Variants in CEP20 observed in about 807,000 individuals in gnomAD.
The protein encoded by CEP20 is FGFR1OP N-terminal like.
A neutral mutation model predicts 20.0 loss-of-function variants in CEP20; 18 were observed. The observed-to-expected ratio is 0.90, with a 90% confidence interval of 0.62 to 1.34. CEP20 has a LOEUF of 1.34. Among genes scored for constraint, CEP20 ranks in the 40% most tolerant of loss-of-function variants. The pLI, the probability that CEP20 is intolerant of heterozygous loss-of-function variation, is 0.00. For synonymous variants in CEP20, 77 were observed against 73.7 expected (o/e 1.04, Z -0.23); for missense variants, 215 against 201.6 (o/e 1.07, Z -0.40).
At position 15,866,466 on chromosome 16, in the gene CEP20, G is replaced by C. The variant is rs2044681926; in HGVS notation, c.*974C>G. The C allele has an allele frequency of 6.6e-6, 1 of 152,202 alleles. No individual in the cohort carries two copies. Among genetic ancestry groups the C allele is most frequent in the African/African-American group, 2.4e-5 (1 of 41,466 alleles). The allele number at this position is 152,202 out of a possible 1,614,324, so 9.4% of individuals were successfully genotyped here. A position where few individuals can be genotyped will look rare whatever the true frequency, so the allele number is the denominator to read the frequency against. Reference sequence around the variant, plus strand: ...TTGTTTTCAATGAAATGAGCCTGTGGACACTACATTAAAAATACTTCTTTA... The same window carrying C: ...TTGTTTTCAATGAAATGAGCCTGTGCACACTACATTAAAAATACTTCTTTA... On this transcript the variant is annotated 3_prime_UTR_variant, in exon 5 of 5. Transcript: ENST00000255759.
chr16:15,870,708 G>C (rs2044793296), intron 4 of CEP20, among the ~76,000 whole-genome samples: 1 of 152,002 alleles, frequency 6.6e-6, no homozygotes, highest in Non-Finnish European at 1.5e-5. Context: ...CCGGCTACTT[G>C]GGATGCTGAT....
rs959860473 is a variant in CEP20, at chr16:15,884,490, T to A, written c.29-285A>T. On this transcript the variant is annotated intron_variant, in intron 1 of 4. Coordinates refer to ENST00000255759, the MANE Select transcript of CEP20 (RefSeq NM_144600.4). The stretch of plus-strand genomic sequence containing the variant: ...GTCAGGGGCTGTAGTCTAATACATA[T>A]TCTTTTTTATTTTATTTATTATTTT... Among the ~76,000 whole-genome samples the A allele has an allele frequency of 2.0e-5, 3 of 149,078 alleles. No individual in the cohort carries two copies. In the Admixed American group the frequency reaches 2.0e-4, roughly 10 times the overall value.
Position 15,879,762 on chromosome 16 carries a change from C to T in CEP20, c.311+42G>A, listed in dbSNP as rs769725073. ...TAAAACCACCATGGTGCAATTATGA[C>T]TCAATACAATATGTGGAAACTTCTT... On this transcript the variant is annotated intron_variant, in intron 3 of 4. Coordinates refer to ENST00000255759, the MANE Select transcript of CEP20 (RefSeq NM_144600.4). 4 of 1,136,164 alleles carry T rather than the reference C, an allele frequency of 3.5e-6. No homozygotes were observed. In the Admixed American group the frequency reaches 9.0e-5, roughly 26 times the overall value. The allele number at this position is 1,136,164 out of a possible 1,614,324, so 70.4% of individuals were successfully genotyped here.
intron 1 of CEP20, chr16:15,885,782 G>GT (rs2045229226): frequency 6.6e-6 from 1 of 152,220 alleles, no homozygotes; most frequent in Non-Finnish European, 1.5e-5. Flanking sequence ...CCACGTGACT[G>GT]TATCAATGCC....
chr16:15,873,586 G>C lies in CEP20; in HGVS notation c.353C>G (p.Thr118Ser). ...AAATGCATTCTGGATGCCATCCTTA[G>C]TTCCACGCAAGAAATGGGCTAAAAT... ...YGILAHFLRG[T>S]KDGIQNAFLK... is the part of the protein sequence containing the mutation. Residue 118 changes from threonine (T) to serine (S), a missense_variant, in exon 4 of 5, where the codon ACT becomes AGT. Coordinates refer to ENST00000255759, the MANE Select transcript of CEP20 (RefSeq NM_144600.4). 6.2e-7 allele frequency: 1 copy of C among 1,614,040 alleles called. No homozygotes were observed. Among genetic ancestry groups the C allele is most frequent in the Non-Finnish European group, 8.5e-7 (1 of 1,179,964 alleles).
chr16:15,873,608 A>C lies in CEP20; in HGVS notation c.331T>G (p.Leu111Val). 6.2e-7 allele frequency: 1 copy of C among 1,613,978 alleles called. No homozygotes were observed. The highest frequency in any genetic ancestry group is 8.5e-7 in the Non-Finnish European group (1 of 1,179,912). ...TTAGTTCCACGCAAGAAATGGGCTAAAATCCCATATAAAAGAGGTCTATAG... is the reference window on the plus strand; with the variant it reads ...TTAGTTCCACGCAAGAAATGGGCTACAATCCCATATAAAAGAGGTCTATAG... ...DNTIPLLYGI[L>V]AHFLRGTKDG... Residue 111 changes from leucine to valine, a missense_variant, in exon 4 of 5, where the codon TTA becomes GTA. By Grantham distance (32) the Leu-to-Val change is conservative. Transcript: ENST00000255759.
At chr16:15,873,231 T>C (rs7198354) in intron 4 of CEP20, among the ~76,000 whole-genome samples, 10,436 of 152,134 alleles carry the variant, frequency 0.069, 475 homozygotes, top group East Asian at 0.22. Flanking sequence ...GCATGAGCCA[T>C]TGTGCCTAGC....
chr16:15,871,140 C>A (rs950066342), intron 4 of CEP20, among the ~76,000 whole-genome samples: 33 of 151,992 alleles, frequency 2.2e-4, no homozygotes, highest in African/African-American at 7.2e-4. Context: ...CACATGCCTG[C>A]AGCCCCAGCT....
intron 3 of CEP20, among the ~76,000 whole-genome samples, chr16:15,876,173 T>A (rs989300614): frequency 7.6e-6 from 1 of 131,442 alleles, no homozygotes; most frequent in East Asian, 3.2e-4. Context: ...ATATTACTTT[T>A]TTTTTTTTTT....
intron 3 of CEP20, among the ~76,000 whole-genome samples, chr16:15,878,637 C>T (rs2045014423): frequency 6.6e-6 from 1 of 151,966 alleles, no homozygotes; most frequent in South Asian, 2.1e-4. Context: ...GCTGGGACTA[C>T]AGGCACACGC....
chr16:15,888,494 C>A, intron 1 of CEP20, 64 bp downstream of exon 1: 1 of 1,609,664 alleles, frequency 6.2e-7, no homozygotes, highest in South Asian at 1.1e-5. Flanking sequence ...TCCTCCCATC[C>A]CATCCTTTCC....
intron 4 of CEP20, among the ~76,000 whole-genome samples, chr16:15,869,495 G>C (rs2044762656): frequency 6.6e-6 from 1 of 151,988 alleles, no homozygotes; most frequent in Non-Finnish European, 1.5e-5. Flanking sequence ...ATTTTCAGTA[G>C]AGACAGGGTT....
intron 4 of CEP20, among the ~76,000 whole-genome samples, chr16:15,867,846 G>GC (rs1012881317): frequency 2.0e-5 from 3 of 151,416 alleles, no homozygotes; most frequent in Admixed American, 1.3e-4. Flanking sequence ...GGTGGCAGGC[G>GC]CCTGTAATCC....
At chr16:15,873,332 A>G (rs370328927) in intron 4 of CEP20, among the ~76,000 whole-genome samples, 159 bp downstream of exon 4, 1 of 152,162 alleles carries the variant, frequency 6.6e-6, no homozygotes, top group African/African-American at 2.4e-5. Context: ...ATTCTTTACA[A>G]AAAGCATTCT....
Position 15,867,063 on chromosome 16 carries a change from T to TC in CEP20, c.*376dup, listed in dbSNP as rs1341573725. ...TCTCTACTAAAAATACAAAAACTAC[T>TC]CCGGTGTGGTGGCACAGGCCTGTTT... On this transcript the variant is annotated 3_prime_UTR_variant, in exon 5 of 5. Transcript: ENST00000255759. 1 of 172,120 alleles carries TC rather than the reference T, an allele frequency of 5.8e-6. No individual in the cohort carries two copies. Among genetic ancestry groups the TC allele is most frequent in the Non-Finnish European group, 1.3e-5 (1 of 79,504 alleles). 10.7% of individuals were successfully genotyped at this position (172,120 alleles called of 1,614,324 possible).
rs940331715 is a variant in CEP20 at position 15,865,749 on chromosome 16, C to A, written c.*1691G>T. On this transcript the variant is annotated 3_prime_UTR_variant, in exon 5 of 5. Coordinates refer to ENST00000255759, the MANE Select transcript of CEP20 (RefSeq NM_144600.4). The stretch of plus-strand genomic sequence containing the variant: ...TGCTTATTTTTTTTATTAAATGATA[C>A]ATTGAAAGTATAAAAAGTTGCCGCA... 6.6e-6 allele frequency: 1 copy of A among 152,056 alleles called. No individual in the cohort carries two copies. Among genetic ancestry groups the A allele is most frequent in the Non-Finnish European group, 1.5e-5 (1 of 68,026 alleles). 9.4% of individuals were successfully genotyped at this position (152,056 alleles called of 1,614,324 possible).
intron 3 of CEP20, among the ~76,000 whole-genome samples, chr16:15,879,590 A>G (rs1306173579): frequency 6.6e-6 from 1 of 152,108 alleles, no homozygotes; most frequent in African/African-American, 2.4e-5. Context: ...TAACTCCAGA[A>G]AGAAGATGCT....
At chr16:15,880,512 A>G (rs1458731291) in intron 2 of CEP20, among the ~76,000 whole-genome samples, 1 of 152,256 alleles carries the variant, frequency 6.6e-6, no homozygotes, top group Non-Finnish European at 1.5e-5. Flanking sequence ...TCAACTGGTC[A>G]TAGATGAGCA....
At chr16:15,871,602 T>C (rs2044821851) in intron 4 of CEP20, among the ~76,000 whole-genome samples, 1 of 152,176 alleles carries the variant, frequency 6.6e-6, no homozygotes, top group African/African-American at 2.4e-5. Context: ...GGAACAGCAA[T>C]CAAATGTGCT....
Sources: allele counts gnomAD v4.1 joint callset (sites outside exome capture counted in the v4.1 genomes callset), GRCh38; gene constraint gnomAD v4.1.1; transcripts MANE v1.5; gene names NCBI Gene and HGNC (gene_info 2026-07-23, HGNC 2026-07-21).